ZCCHC4: variants seen among roughly 807,000 people sequenced by gnomAD.
ZCCHC4 encodes the protein zinc finger CCHC-type containing 4.
ZCCHC4 carries 54 observed loss-of-function variants against 67.7 expected under a neutral mutation model. The observed-to-expected ratio is 0.80, with a 90% CI of 0.64 to 1.00. The LOEUF is 1.00. Among genes scored for constraint, ZCCHC4 ranks in the 50% least tolerant of loss-of-function variants. The pLI is 0.00. For missense variants in ZCCHC4, 609 were observed against 617.0 expected (o/e 0.99, Z 0.14); for synonymous variants, 198 against 213.5 (o/e 0.93, Z 0.63).
chr4:25,342,911 T>G (rs1162075669), intron 5 of ZCCHC4, among the ~76,000 whole-genome samples: 1 of 152,246 alleles, frequency 6.6e-6, no homozygotes, highest in African/African-American at 2.4e-5. Context: ...TGGACAGGTG[T>G]GCTGTGCTGA....
At chr4:25,327,164 T>C (rs1718924423) in intron 3 of ZCCHC4, among the ~76,000 whole-genome samples, 1 of 152,214 alleles carries the variant, frequency 6.6e-6, no homozygotes, top group African/African-American at 2.4e-5. Flanking sequence ...TACTTTCCAA[T>C]TTATGTCTTT....
chr4:25,344,425 A>ACACAGGAAGGGGAACAT (rs1489424789), intron 5 of ZCCHC4, among the ~76,000 whole-genome samples: 1 of 138,006 alleles, frequency 7.2e-6, no homozygotes, highest in Non-Finnish European at 1.5e-5. Context: ...GAACACATGG[A>ACACAGGAAGGGGAACAT]CACAGGAAGG....
At chr4:25,356,182 A>G (rs1464713316) in intron 8 of ZCCHC4, among the ~76,000 whole-genome samples, 1 of 152,230 alleles carries the variant, frequency 6.6e-6, no homozygotes, top group Non-Finnish European at 1.5e-5. Context: ...AATCAGTTCC[A>G]TGGGAGAAAT....
At chr4:25,322,124 T>C (rs754523555) in intron 3 of ZCCHC4, among the ~76,000 whole-genome samples, 2 of 152,186 alleles carry the variant, frequency 1.3e-5, no homozygotes, top group Non-Finnish European at 2.9e-5. Flanking sequence ...AATAGAGTGG[T>C]TGGATTTTGC....
intron 5 of ZCCHC4, among the ~76,000 whole-genome samples, chr4:25,337,576 G>A (rs1719517959): frequency 6.6e-6 from 1 of 152,180 alleles, no homozygotes; most frequent in African/African-American, 2.4e-5. Flanking sequence ...GGGTACTCCA[G>A]CCAGCCTCTG....
chr4:25,349,555 A>G lies in ZCCHC4; in HGVS notation c.823A>G (p.Thr275Ala), dbSNP rs575913970. The change falls in exon 7 of 13, where the codon ACG (threonine) becomes GCG (alanine). Residue 275 changes from threonine to alanine, a missense_variant. By Grantham distance (58) the Thr-to-Ala change is moderately conservative. Transcript: ENST00000302874. Reference protein sequence around the residue: ...EDKGEGIIMVTDPPFGGLVEP... With the variant: ...EDKGEGIIMVADPPFGGLVEP... Reference sequence around the variant, plus strand: ...TAAAGGCGAAGGAATCATTATGGTGACGGATCCTCCGTTTGGTGGCTTGGT... The same window carrying G: ...TAAAGGCGAAGGAATCATTATGGTGGCGGATCCTCCGTTTGGTGGCTTGGT... The G allele has an allele frequency of 3.4e-5, 55 of 1,614,028 alleles. 1 individual carries two copies. The highest frequency in any genetic ancestry group is 3.1e-4 in the East Asian group (14 of 44,880).
chr4:25,342,503 T>C (rs1015103369), intron 5 of ZCCHC4, among the ~76,000 whole-genome samples: 1 of 152,220 alleles, frequency 6.6e-6, no homozygotes, highest in African/African-American at 2.4e-5. Flanking sequence ...GAAACTCTAT[T>C]TGGCAAACTA....
intron 3 of ZCCHC4, among the ~76,000 whole-genome samples, chr4:25,324,014 G>GTTTTGTTTTTTTTTTTTTTTT (rs1718723792): frequency 1.2e-5 from 1 of 82,448 alleles, no homozygotes; most frequent in Non-Finnish European, 2.1e-5. Flanking sequence ...TGTTTTTTGT[G>GTTTTGTTTTTTTTTTTTTTTT]TTTTTTTTTT....
intron 8 of ZCCHC4, among the ~76,000 whole-genome samples, chr4:25,357,932 T>A (rs1439028552): frequency 6.6e-6 from 1 of 152,200 alleles, no homozygotes; most frequent in African/African-American, 2.4e-5. Context: ...CCTAATGAGA[T>A]CCCAGGTGAC....
intron 3 of ZCCHC4, among the ~76,000 whole-genome samples, chr4:25,320,038 T>C (rs1718495351): frequency 6.6e-6 from 1 of 152,164 alleles, no homozygotes; most frequent in African/African-American, 2.4e-5. Flanking sequence ...AGCTGATTTT[T>C]ATTATAGGAT....
chr4:25,318,054 C>T (rs1050727501), intron 3 of ZCCHC4, among the ~76,000 whole-genome samples: 8 of 152,138 alleles, frequency 5.3e-5, no homozygotes, highest in Middle Eastern at 3.2e-3. Context: ...GTATTGAAGA[C>T]GGAGAAAGTA....
intron 7 of ZCCHC4, 69 bp downstream of exon 7, chr4:25,349,711 C>T: frequency 6.6e-7 from 1 of 1,506,034 alleles, no homozygotes; most frequent in Non-Finnish European, 9.1e-7. Context: ...ATTAGCTGAG[C>T]TCAGTGAATC....
rs193127219 is a variant in ZCCHC4, at chr4:25,369,453, A to G, written c.*289A>G. 35 of 324,774 alleles carry G rather than the reference A, an allele frequency of 1.1e-4. No individual in the cohort carries two copies. In the East Asian group the frequency reaches 2.3e-3, roughly 21 times the overall value. The allele number at this position is 324,774 out of a possible 1,614,324, so 20.1% of individuals were successfully genotyped here. On this transcript the variant is annotated 3_prime_UTR_variant, in exon 13 of 13. Transcript: ENST00000302874. ...TATTTTTATGTTTTCATTTTTTTTG[A>G]GATGGAGTCTTGCTCTGTCTCCCAG...
chr4:25,368,818 G>T (rs1001301818), intron 12 of ZCCHC4, among the ~76,000 whole-genome samples: 1 of 152,160 alleles, frequency 6.6e-6, no homozygotes, highest in African/African-American at 2.4e-5. Context: ...ATCTTTTAAA[G>T]AATTTTTTTT....
chr4:25,347,444 GAA>G (rs1283872987), intron 6 of ZCCHC4, among the ~76,000 whole-genome samples: 9 of 152,332 alleles, frequency 5.9e-5, no homozygotes, highest in Non-Finnish European at 1.2e-4. Context: ...CTTCCCTGAA[GAA>G]AAGAGTCGTC....
intron 5 of ZCCHC4, among the ~76,000 whole-genome samples, chr4:25,342,814 C>T (rs190962235): frequency 1.7e-3 from 265 of 152,282 alleles, no homozygotes; most frequent in Non-Finnish European, 2.0e-3. Flanking sequence ...TAATTATGCT[C>T]TCAAATTATG....
intron 8 of ZCCHC4, among the ~76,000 whole-genome samples, chr4:25,358,083 A>T (rs1466722595): frequency 6.6e-6 from 1 of 152,234 alleles, no homozygotes; most frequent in Non-Finnish European, 1.5e-5. Flanking sequence ...AGGAGACTGA[A>T]GTAAGAAGCT....
At position 25,332,290 on chromosome 4, in the gene ZCCHC4, T is replaced by G. The variant is rs1165910264; in HGVS notation, c.330-893T>G. 1.1e-4 allele frequency among the ~76,000 whole-genome samples: 10 copies of G among 93,016 alleles called. No homozygotes were observed. The Admixed American group carries it at 1.3e-3, about 12-fold the overall frequency. The allele number at this position is 93,016 out of a possible 152,430, so 61.0% of individuals were successfully genotyped here. ...GCCACGGCACTCTAGCCTGGGTGAC[T>G]CCATCTCAAAAAAAAAAAAAAAAAA... On this transcript the variant is annotated intron_variant, in intron 3 of 12. Coordinates refer to ENST00000302874, the MANE Select transcript of ZCCHC4 (RefSeq NM_024936.3).
intron 8 of ZCCHC4, chr4:25,361,601 G>A: frequency 2.4e-6 from 1 of 413,344 alleles, no homozygotes; most frequent in Non-Finnish European, 4.4e-6. Flanking sequence ...TGCACCCACA[G>A]CTTGCGCCCA....
Sources: gnomAD v4.1 joint callset for allele counts (sites outside exome capture counted in the v4.1 genomes callset) on GRCh38, gnomAD v4.1.1 for gene constraint, MANE v1.5 for transcripts, NCBI Gene and HGNC (gene_info 2026-07-23, HGNC 2026-07-21) for gene names.